The following F2RL1 variants were observed in gnomAD, a reference collection of about 807,000 sequenced individuals.
F2RL1 encodes the protein F2R like trypsin receptor 1.
A neutral mutation model predicts 21.7 loss-of-function variants in F2RL1; 16 were observed. The ratio of observed to expected loss-of-function variants is 0.74; its 90% CI spans 0.50 to 1.12. The LOEUF (loss-of-function observed/expected upper bound fraction) is 1.12. Among genes scored for constraint, F2RL1 ranks in the 50% most tolerant of loss-of-function variants. The pLI, the probability that F2RL1 is intolerant of heterozygous loss-of-function variation, is 0.00. For missense variants in F2RL1, 432 were observed against 477.8 expected, an observed-to-expected ratio of 0.90 and a Z score of 0.89; for synonymous variants, 181 against 186.7, an observed-to-expected ratio of 0.97 and a Z score of 0.25.
chr5:76,832,829 C>A lies in F2RL1; in HGVS notation c.222C>A (p.Thr74=). ...FSASVLTGKL[T]TVFLPIVYTI... ...CATCTGTCCTCACTGGAAAACTGAC[C>A]ACTGTCTTCCTTCCAATTGTCTACA... The change falls in exon 2 of 2, where the codon ACC becomes ACA. Residue 74 remains threonine (T), a synonymous_variant. Coordinates refer to ENST00000296677, the MANE Select transcript of F2RL1 (RefSeq NM_005242.6). 1.2e-6 allele frequency: 2 copies of A among 1,614,134 alleles called. No homozygotes were observed. Among genetic ancestry groups the A allele is most frequent in the Non-Finnish European group, 8.5e-7 (1 of 1,180,022 alleles).
Position 76,833,255 on chromosome 5 carries a change from C to T in F2RL1, c.648C>T (p.Ile216=). 1 of 1,613,654 alleles carries T rather than the reference C, an allele frequency of 6.2e-7. No individual in the cohort carries two copies. The highest frequency in any genetic ancestry group is 1.1e-5 in the South Asian group (1 of 91,038). ...TIPLYVVKQT[I]FIPALNITTC... ...CTTTGTATGTCGTGAAGCAGACCAT[C>T]TTCATTCCTGCCCTGAACATCACGA... The change falls in exon 2 of 2, where the codon ATC becomes ATT. Residue 216 remains isoleucine, a synonymous_variant. Coordinates refer to ENST00000296677, the MANE Select transcript of F2RL1 (RefSeq NM_005242.6).
Position 76,834,426 on chromosome 5 carries a change from T to C in F2RL1, c.*625T>C, listed in dbSNP as rs1750420074. 2 of 152,206 alleles carry C rather than the reference T, an allele frequency of 1.3e-5. No homozygotes were observed. The highest frequency in any genetic ancestry group is 4.8e-5 in the African/African-American group (2 of 41,432). The allele number at this position is 152,206 out of a possible 1,614,324, so 9.4% of individuals were successfully genotyped here. On this transcript the variant is annotated 3_prime_UTR_variant, in exon 2 of 2. Coordinates refer to ENST00000296677, the MANE Select transcript of F2RL1 (RefSeq NM_005242.6). ...TGGGAGGCTGAGGCAGGCAATCACT[T>C]GAGGTCAGGAGTTCGAGACCAGCCT...
chr5:76,823,813 C>CTTTTTTT (rs5868840), intron 1 of F2RL1, among the ~76,000 whole-genome samples: 1 of 127,234 alleles, frequency 7.9e-6, no homozygotes, highest in South Asian at 2.5e-4. Context: ...TCTGTACAAA[C>CTTTTTTT]TTTTTTTTTT....
intron 1 of F2RL1, among the ~76,000 whole-genome samples, chr5:76,824,994 G>A (rs1381592006): frequency 6.7e-6 from 1 of 148,680 alleles, no homozygotes; most frequent in Non-Finnish European, 1.5e-5. Flanking sequence ...TTTGCAAATT[G>A]TACATTATAA....
At chr5:76,820,523 A>C (rs1346572044) in intron 1 of F2RL1, among the ~76,000 whole-genome samples, 1 of 152,176 alleles carries the variant, frequency 6.6e-6, no homozygotes, top group South Asian at 2.1e-4. Flanking sequence ...AATCAGCATC[A>C]GAATAAAGGC....
At chr5:76,819,621 C>T (rs555343700) in intron 1 of F2RL1, among the ~76,000 whole-genome samples, 2 of 152,270 alleles carry the variant, frequency 1.3e-5, no homozygotes, top group Non-Finnish European at 1.5e-5. Flanking sequence ...CGCAGAGGAC[C>T]TAGTCCCCTC....
chr5:76,828,031 G>A (rs1406810617), intron 1 of F2RL1, among the ~76,000 whole-genome samples: 2 of 151,732 alleles, frequency 1.3e-5, no homozygotes, highest in Non-Finnish European at 2.9e-5. Context: ...GTGCAATGGC[G>A]TGATCTTGGC....
Position 76,821,685 on chromosome 5 carries a change from G to C in F2RL1, c.82+2421G>C, listed in dbSNP as rs528270029. Among the ~76,000 whole-genome samples, 3 of 149,660 alleles carry C rather than the reference G, an allele frequency of 2.0e-5. No homozygotes were observed. In the East Asian group the frequency reaches 5.9e-4, roughly 29 times the overall value. On this transcript the variant is annotated intron_variant, in intron 1 of 1. Transcript: ENST00000296677. Reference sequence around the variant, plus strand: ...CTCCACCTCTCCCGGGCTCAAGGAAGTCTCCTGCTGCAGCCTCCCGAGTAG... The same window carrying C: ...CTCCACCTCTCCCGGGCTCAAGGAACTCTCCTGCTGCAGCCTCCCGAGTAG...
At chr5:76,823,658 T>C (rs1323257329) in intron 1 of F2RL1, among the ~76,000 whole-genome samples, 1 of 150,666 alleles carries the variant, frequency 6.6e-6, no homozygotes, top group African/African-American at 2.4e-5. Context: ...GGATTATAGG[T>C]GTGAGTCACT....
intron 1 of F2RL1, among the ~76,000 whole-genome samples, chr5:76,831,782 C>G (rs200902690): frequency 6.6e-6 from 1 of 152,060 alleles, no homozygotes; most frequent in East Asian, 1.9e-4. Context: ...CCTGCCTTAG[C>G]CTCCCAAAGT....
chr5:76,829,960 G>A (rs1750321662), intron 1 of F2RL1, among the ~76,000 whole-genome samples: 1 of 152,092 alleles, frequency 6.6e-6, no homozygotes, highest in Non-Finnish European at 1.5e-5. Context: ...AGAACCACTA[G>A]AAATAGGACT....
At chr5:76,825,004 ATTT>A (rs555152159) in intron 1 of F2RL1, among the ~76,000 whole-genome samples, 5 of 129,882 alleles carry the variant, frequency 3.8e-5, no homozygotes, top group African/African-American at 2.9e-5. Flanking sequence ...GTACATTATA[ATTT>A]TTTTTTTTTT....
chr5:76,832,675 TC>T lies in F2RL1; in HGVS notation c.83-13del. ...TTTATTTCTGTAATGACCCTTGTCT[TC>T]CTTTCTTGTACAGGAACCAGTAGAT... On this transcript the variant is annotated splice_polypyrimidine_tract_variant and intron_variant, in intron 1 of 1. Coordinates refer to ENST00000296677, the MANE Select transcript of F2RL1 (RefSeq NM_005242.6). 6.4e-7 allele frequency: 1 copy of T among 1,573,320 alleles called. No homozygotes were observed.
Position 76,833,888 on chromosome 5 carries a change from A to G in F2RL1, c.*87A>G. On this transcript the variant is annotated 3_prime_UTR_variant, in exon 2 of 2. Transcript: ENST00000296677. ...GGACGTGTCTGTTATTTCCTAATCA[A>G]AAAGGTCTCACCACATACCATGTGG... The G allele has an allele frequency of 7.1e-7, 1 of 1,418,046 alleles. No individual in the cohort carries two copies. 87.8% of individuals were successfully genotyped at this position (1,418,046 alleles called of 1,614,324 possible).
chr5:76,824,825 C>G (rs1750209242), intron 1 of F2RL1, among the ~76,000 whole-genome samples: 1 of 151,916 alleles, frequency 6.6e-6, no homozygotes, highest in Non-Finnish European at 1.5e-5. Flanking sequence ...AAATTACCCA[C>G]CAAAAATATT....
intron 1 of F2RL1, among the ~76,000 whole-genome samples, chr5:76,823,777 A>G (rs1750185540): frequency 1.3e-5 from 2 of 148,712 alleles, no homozygotes; most frequent in Admixed American, 1.3e-4. Context: ...TTTTTACCTA[A>G]TCGATTCATA....
chr5:76,833,727 C>G lies in F2RL1; in HGVS notation c.1120C>G (p.Leu374Val). Residue 374 changes from leucine to valine, a missense_variant, in exon 2 of 2, where the codon CTC (leucine) becomes GTC (valine). Transcript: ENST00000296677. Reference sequence around the variant, plus strand: ...CACTGTAAAGCAGATGCAAGTATCCCTCACCTCAAAGAAACACTCCAGGAA... The same window carrying G: ...CACTGTAAAGCAGATGCAAGTATCCGTCACCTCAAAGAAACACTCCAGGAA... ...VRTVKQMQVS[L>V]TSKKHSRKSS... The G allele has an allele frequency of 6.2e-7, 1 of 1,614,024 alleles. No individual in the cohort carries two copies. Among genetic ancestry groups the G allele is most frequent in the Non-Finnish European group, 8.5e-7 (1 of 1,180,020 alleles).
rs1750407657 is a variant in F2RL1 at position 76,833,837 on chromosome 5, G to A, written c.*36G>A. 1 of 1,590,636 alleles carries A rather than the reference G, an allele frequency of 6.3e-7. No homozygotes were observed. The highest frequency in any genetic ancestry group is 8.6e-7 in the Non-Finnish European group (1 of 1,166,800). On this transcript the variant is annotated 3_prime_UTR_variant, in exon 2 of 2. Coordinates refer to ENST00000296677, the MANE Select transcript of F2RL1 (RefSeq NM_005242.6). The stretch of plus-strand genomic sequence containing the variant: ...TCCTCAGATGGGAATTGCACAGTAG[G>A]ATGTGGAACCTGTTTAATGTTATGA...
intron 1 of F2RL1, among the ~76,000 whole-genome samples, chr5:76,823,967 C>G (rs371367696): frequency 3.1e-3 from 471 of 151,880 alleles, no homozygotes; most frequent in African/African-American, 0.011. Context: ...CGCCCGCCAC[C>G]ATGCCCGGCT....
Sources: gnomAD v4.1 joint callset for allele counts (sites outside exome capture counted in the v4.1 genomes callset) on GRCh38, gnomAD v4.1.1 for gene constraint, MANE v1.5 for transcripts, NCBI Gene and HGNC (gene_info 2026-07-23, HGNC 2026-07-21) for gene names.